The following ELK4 variants were observed in gnomAD, a reference collection of about 807,000 sequenced individuals.
The protein encoded by ELK4 is ETS transcription factor ELK4.
Under a neutral mutation model 29.6 loss-of-function variants are expected in ELK4, and 16 were observed. That is an observed-to-expected ratio of 0.54 (90% CI 0.37 to 0.82). The LOEUF is 0.82. Among genes scored for constraint, ELK4 ranks in the 40% least tolerant of loss-of-function variants. ELK4 has a pLI of 0.00. For missense variants in ELK4, 465 were observed against 507.1 expected (o/e 0.92, Z 0.80); for synonymous variants, 213 against 191.1 (o/e 1.11, Z -0.95).
In ELK4 at chr1:205,608,437, C is replaced by T. The variant is rs1380215992; in HGVS notation, c.*8109G>A. The T allele has an allele frequency of 5.1e-6, 1 of 197,264 alleles. No individual in the cohort carries two copies. The highest frequency in any genetic ancestry group is 6.1e-5 in the Admixed American group (1 of 16,526). The allele number at this position is 197,264 out of a possible 1,614,324, so 12.2% of individuals were successfully genotyped here. On this transcript the variant is annotated 3_prime_UTR_variant, in exon 5 of 5. Transcript: ENST00000357992. ...CCTAATCAATCTTAGAGCAATATCC[C>T]TTTGTTTCCCAACAGGTAAGTCAGA...
rs940260376 is a variant in ELK4, at chr1:205,612,076, C to T, written c.*4470G>A. ...CTAGTAAAATAAAAATAGAGTCATA[C>T]CTAACATGAAGATAAGAGACAACAG... On this transcript the variant is annotated 3_prime_UTR_variant, in exon 5 of 5. Transcript: ENST00000357992. 3.6e-5 allele frequency: 7 copies of T among 192,578 alleles called. No homozygotes were observed. The highest frequency in any genetic ancestry group is 6.1e-5 in the Admixed American group (1 of 16,324). The allele number at this position is 192,578 out of a possible 1,614,324, so 11.9% of individuals were successfully genotyped here. A position where few individuals can be genotyped will look rare whatever the true frequency, so the allele number is the denominator to read the frequency against.
At chr1:205,619,623 T>C in intron 3 of ELK4, 1 of 1,311,152 alleles carries the variant, frequency 7.6e-7, no homozygotes, top group Non-Finnish European at 9.7e-7. Context: ...TACTGTTTTC[T>C]AACTTGAGAT....
In ELK4 at chr1:205,619,067, T is replaced by A. The variant is rs757529202; in HGVS notation, c.1087A>T (p.Ile363Phe). 3.6e-5 allele frequency: 57 copies of A among 1,589,280 alleles called. No individual in the cohort carries two copies. The highest frequency in any genetic ancestry group is 4.8e-5 in the Non-Finnish European group (56 of 1,170,410). Reference sequence around the variant, plus strand: ...AGCAAGGGGCTTGGAGTCAGTATGATGGGTGTCTGCAATACACAAAGCAAA... The same window carrying A: ...AGCAAGGGGCTTGGAGTCAGTATGAAGGGTGTCTGCAATACACAAAGCAAA... ...LTPAFFSQTP[I>F]ILTPSPLLSS... is the part of the protein sequence containing the mutation. Residue 363 changes from isoleucine (I) to phenylalanine (F), a missense_variant, in exon 4 of 5, where the codon ATC (isoleucine) becomes TTC (phenylalanine). Coordinates refer to ENST00000357992, the MANE Select transcript of ELK4 (RefSeq NM_001973.4).
In ELK4 at chr1:205,616,628, T is replaced by C; in HGVS notation, c.1214A>G (p.Asn405Ser). Residue 405 changes from asparagine to serine, a missense_variant, in exon 5 of 5, where the codon AAC becomes AGC. Asn to Ser is a conservative substitution (Grantham distance 46). Coordinates refer to ENST00000357992, the MANE Select transcript of ELK4 (RefSeq NM_001973.4). ...NTLFQFPSVLNSHGPFTLSGL... is the reference protein window; with the variant it reads ...NTLFQFPSVLSSHGPFTLSGL... ...AGACAGAGTGAATGGCCCATGACTG[T>C]TCAGTACAGAAGGAAACTGAGAAAG... The C allele has an allele frequency of 6.2e-7, 1 of 1,614,002 alleles. No homozygotes were observed.
intron 1 of ELK4, chr1:205,626,177 G>T: frequency 1.6e-6 from 1 of 624,714 alleles, no homozygotes; most frequent in South Asian, 1.4e-5. Context: ...GAGCTGGAAG[G>T]GGGGTCTCAT....
Position 205,617,965 on chromosome 1 carries a change from A to ATGTGTGTGTGTG in ELK4, c.1197+980_1197+991dup, listed in dbSNP as rs71773934. The stretch of plus-strand genomic sequence containing the variant: ...ACCTATGTGCAGAGATCCCCCATAT[A>ATGTGTGTGTGTG]TGTGTGTGTGTGTGTGTGTGAGAGA... On this transcript the variant is annotated intron_variant, in intron 4 of 4. Transcript: ENST00000357992. 2.4e-3 allele frequency among the ~76,000 whole-genome samples: 359 copies of ATGTGTGTGTGTG among 147,590 alleles called. 1 individual carries two copies. The highest frequency in any genetic ancestry group is 5.6e-3 in the South Asian group (26 of 4,614).
At position 205,609,033 on chromosome 1, in the gene ELK4, T is replaced by TA. The variant is rs1260588330; in HGVS notation, c.*7512dup. 5.3e-6 allele frequency: 1 copy of TA among 188,370 alleles called. No individual in the cohort carries two copies. Among genetic ancestry groups the TA allele is most frequent in the Non-Finnish European group, 1.1e-5 (1 of 89,498 alleles). 11.7% of individuals were successfully genotyped at this position (188,370 alleles called of 1,614,324 possible). ...TCTTTTAATTTTTAAGTGATGTTCA[T>TA]ACTTGACGGTTCAGAAACTGCCACT... On this transcript the variant is annotated 3_prime_UTR_variant, in exon 5 of 5. Coordinates refer to ENST00000357992, the MANE Select transcript of ELK4 (RefSeq NM_001973.4).
rs577882906 is a variant in ELK4 at position 205,609,250 on chromosome 1, T to C, written c.*7296A>G. On this transcript the variant is annotated 3_prime_UTR_variant, in exon 5 of 5. Transcript: ENST00000357992. Reference sequence around the variant, plus strand: ...TACATACCCTTATTTTTTAGCCAATTTGATTATTTGGTAAAGCAAGGGCAT... The same window carrying C: ...TACATACCCTTATTTTTTAGCCAATCTGATTATTTGGTAAAGCAAGGGCAT... The C allele has an allele frequency of 2.1e-5, 4 of 188,198 alleles. No homozygotes were observed. Among genetic ancestry groups the C allele is most frequent in the Non-Finnish European group, 3.4e-5 (3 of 89,236 alleles). 11.7% of individuals were successfully genotyped at this position (188,198 alleles called of 1,614,324 possible). A position where few individuals can be genotyped will look rare whatever the true frequency, so the allele number is the denominator to read the frequency against.
chr1:205,623,621 G>GA (rs1223407201), intron 2 of ELK4, 55 bp downstream of exon 2: 3 of 1,592,898 alleles, frequency 1.9e-6, no homozygotes, highest in Non-Finnish European at 2.6e-6. Flanking sequence ...AGCCAAGAAG[G>GA]AATCGTTCTT....
chr1:205,631,111 C>T (rs1164757142), intron 1 of ELK4, among the ~76,000 whole-genome samples: 2 of 152,166 alleles, frequency 1.3e-5, no homozygotes, highest in Admixed American at 6.5e-5. Flanking sequence ...TGCAGCTGTG[C>T]ACAAGGCGGA....
Position 205,616,493 on chromosome 1 carries a change from G to T in ELK4, c.*53C>A. On this transcript the variant is annotated 3_prime_UTR_variant, in exon 5 of 5. Coordinates refer to ENST00000357992, the MANE Select transcript of ELK4 (RefSeq NM_001973.4). ...AATTGCTCACTTCAAATGCAATCATGTTGAATGTCTGTTTCTTCGTTCCTC... is the reference window on the plus strand; with the variant it reads ...AATTGCTCACTTCAAATGCAATCATTTTGAATGTCTGTTTCTTCGTTCCTC... 6.7e-7 allele frequency: 1 copy of T among 1,497,676 alleles called. No homozygotes were observed. Among genetic ancestry groups the T allele is most frequent in the Non-Finnish European group, 9.3e-7 (1 of 1,076,056 alleles). 92.8% of individuals were successfully genotyped at this position (1,497,676 alleles called of 1,614,324 possible). A position where few individuals can be genotyped will look rare whatever the true frequency, so the allele number is the denominator to read the frequency against.
In ELK4 at chr1:205,616,059, C is replaced by G. The variant is rs1364389357; in HGVS notation, c.*487G>C. 8.8e-6 allele frequency: 2 copies of G among 227,572 alleles called. No homozygotes were observed. The highest frequency in any genetic ancestry group is 1.8e-5 in the Non-Finnish European group (2 of 114,046). 14.1% of individuals were successfully genotyped at this position (227,572 alleles called of 1,614,324 possible). A position where few individuals can be genotyped will look rare whatever the true frequency, so the allele number is the denominator to read the frequency against. ...TTCTTCTTCCACTGCTTAGGAACAG[C>G]TCACTTTAAGTCATTCAACAGAGCA... On this transcript the variant is annotated 3_prime_UTR_variant, in exon 5 of 5. Transcript: ENST00000357992.
intron 4 of ELK4, among the ~76,000 whole-genome samples, chr1:205,617,902 A>C (rs1670260937): frequency 6.6e-6 from 1 of 152,000 alleles, no homozygotes; most frequent in Admixed American, 6.5e-5. Context: ...ACTCCGCCTC[A>C]AAAAAAAATT....
At chr1:205,623,435 G>C (rs1232802766) in intron 2 of ELK4, among the ~76,000 whole-genome samples, 1 of 150,812 alleles carries the variant, frequency 6.6e-6, no homozygotes, top group East Asian at 2.0e-4. Context: ...TCAGCCTCCT[G>C]AGTAGCTGGG....
Position 205,625,978 on chromosome 1 carries a change from A to G in ELK4, c.-9-2087T>C, listed in dbSNP as rs933856602. On this transcript the variant is annotated intron_variant, in intron 1 of 4. Transcript: ENST00000357992. The stretch of plus-strand genomic sequence containing the variant: ...AGGCATAAGCCACTGCGCCCGGCCC[A>G]GTTCTACTTCTTGATCCAGAAGCGA... 1.0e-5 allele frequency: 12 copies of G among 1,172,476 alleles called. No homozygotes were observed. In the African/African-American group the frequency reaches 1.8e-4, roughly 18 times the overall value. 72.6% of individuals were successfully genotyped at this position (1,172,476 alleles called of 1,614,324 possible). A position where few individuals can be genotyped will look rare whatever the true frequency, so the allele number is the denominator to read the frequency against.
chr1:205,609,676 C>T lies in ELK4; in HGVS notation c.*6870G>A. 1 of 206,482 alleles carries T rather than the reference C, an allele frequency of 4.8e-6. No individual in the cohort carries two copies. 12.8% of individuals were successfully genotyped at this position (206,482 alleles called of 1,614,324 possible). The stretch of plus-strand genomic sequence containing the variant: ...CAATGAAATGTCAGGATTGTGTCCC[C>T]TACACAATAGACAATAAGCAACAAT... On this transcript the variant is annotated 3_prime_UTR_variant, in exon 5 of 5. Coordinates refer to ENST00000357992, the MANE Select transcript of ELK4 (RefSeq NM_001973.4).
In ELK4 at chr1:205,612,472, T is replaced by C. The variant is rs923566108; in HGVS notation, c.*4074A>G. 3.7e-5 allele frequency: 8 copies of C among 214,538 alleles called. No homozygotes were observed. The highest frequency in any genetic ancestry group is 1.4e-3 in the Middle Eastern group (1 of 698). 13.3% of individuals were successfully genotyped at this position (214,538 alleles called of 1,614,324 possible). On this transcript the variant is annotated 3_prime_UTR_variant, in exon 5 of 5. Transcript: ENST00000357992. ...CACATATTACTTTGGTATAGCGGTA[T>C]ATAATTTAACATATACCCATATGAA...
chr1:205,620,745 T>C lies in ELK4; in HGVS notation c.301A>G (p.Ile101Val). The change falls in exon 3 of 5, where the codon ATT becomes GTT. Residue 101 changes from isoleucine (I) to valine (V), a missense_variant. By Grantham distance (29) the Ile-to-Val change is conservative (BLOSUM62 3). Coordinates refer to ENST00000357992, the MANE Select transcript of ELK4 (RefSeq NM_001973.4). ...LNMDPMTVGR[I>V]EGDCESLNFS... ...TTTAAACTTTCACAGTCACCCTCAA[T>C]CCTGCCCACTGTCATTGGATCCATG... 1 of 1,614,106 alleles carries C rather than the reference T, an allele frequency of 6.2e-7. No homozygotes were observed. The highest frequency in any genetic ancestry group is 1.6e-4 in the Middle Eastern group (1 of 6,062).
At position 205,620,017 on chromosome 1, in the gene ELK4, T is replaced by C. The variant is rs749140638; in HGVS notation, c.1029A>G (p.Ile343Met). 4 of 1,614,224 alleles carry C rather than the reference T, an allele frequency of 2.5e-6. No homozygotes were observed. The highest frequency in any genetic ancestry group is 1.7e-5 in the Admixed American group (1 of 60,026). The change falls in exon 3 of 5, where the codon ATA (isoleucine) becomes ATG (methionine). Residue 343 changes from isoleucine (I) to methionine (M), a missense_variant. Ile to Met is a conservative substitution (Grantham distance 10). This residue lies in a region of ELK4 where 80 missense variants were observed against 119.6 expected (regional missense o/e 0.67). Coordinates refer to ENST00000357992, the MANE Select transcript of ELK4 (RefSeq NM_001973.4). ...AAGCTGTAGGGAGAGATGGGCTCAG[T>C]ATTCCCAGTGGGCTTGGATCACTGC... ...ITSSDPSPLG[I>M]LSPSLPTASL...
Sources: allele counts gnomAD v4.1 joint callset (sites outside exome capture counted in the v4.1 genomes callset), GRCh38; gene constraint gnomAD v4.1.1; regional missense constraint gnomAD v4.1.1; transcripts MANE v1.5; gene names NCBI Gene and HGNC (gene_info 2026-07-23, HGNC 2026-07-21).